Variants in PARD3B observed in about 807,000 individuals in gnomAD.
PARD3B encodes the protein partitioning defective 3 homolog B.
Under a neutral mutation model 130.2 loss-of-function variants are expected in PARD3B, and 103 were observed. That is an observed-to-expected ratio of 0.79 (90% CI 0.67 to 0.93). PARD3B has a LOEUF of 0.93. Ranked by LOEUF, PARD3B falls within the 40% of genes least tolerant of loss-of-function variation. The pLI, the probability that PARD3B is intolerant of heterozygous loss-of-function variation, is 0.00. For synonymous variants in PARD3B, 583 were observed against 553.2 expected, an observed-to-expected ratio of 1.05 and a Z score of -0.76; for missense variants, 1,609 against 1,499.2, an observed-to-expected ratio of 1.07 and a Z score of -1.21.
intron 2 of PARD3B, among the ~76,000 whole-genome samples, chr2:204,842,545 C>T (rs1016292378): frequency 6.6e-6 from 1 of 151,966 alleles, no homozygotes; most frequent in Non-Finnish European, 1.5e-5. Flanking sequence ...GGGAGATTCT[C>T]TCTAATAAAT....
intron 3 of PARD3B, among the ~76,000 whole-genome samples, chr2:204,997,626 C>G (rs1352457947): frequency 6.6e-6 from 1 of 151,860 alleles, no homozygotes; most frequent in Non-Finnish European, 1.5e-5. Flanking sequence ...TTAACTGAGT[C>G]TCTTTTAGGG....
intron 2 of PARD3B, among the ~76,000 whole-genome samples, chr2:204,738,290 G>C (rs556185783): frequency 6.6e-6 from 1 of 151,802 alleles, no homozygotes; most frequent in East Asian, 1.9e-4. Context: ...TTTACCTCCC[G>C]CATTACATAT....
At chr2:204,676,291 C>CAGAG (rs1352947517) in intron 1 of PARD3B, among the ~76,000 whole-genome samples, 2 of 151,682 alleles carry the variant, frequency 1.3e-5, no homozygotes, top group African/African-American at 4.9e-5. Flanking sequence ...TAAATTTGTT[C>CAGAG]ATAAATTAAT....
At chr2:204,694,987 T>G (rs763766385) in intron 2 of PARD3B, among the ~76,000 whole-genome samples, 3 of 152,046 alleles carry the variant, frequency 2.0e-5, no homozygotes, top group African/African-American at 4.8e-5. Flanking sequence ...CAGTGAAGAG[T>G]AAACCATAAG....
intron 2 of PARD3B, among the ~76,000 whole-genome samples, chr2:204,745,726 C>A (rs556792874): frequency 2.0e-5 from 3 of 151,960 alleles, no homozygotes; most frequent in African/African-American, 7.2e-5. Flanking sequence ...TCATTACACC[C>A]AGAAGGTTGA....
At chr2:204,888,112 G>A (rs1036670585) in intron 2 of PARD3B, among the ~76,000 whole-genome samples, 3 of 152,164 alleles carry the variant, frequency 2.0e-5, no homozygotes, top group Non-Finnish European at 2.9e-5. Context: ...CAAGGCACAA[G>A]CACCAGTTTT....
At chr2:205,489,551 T>C (rs6147132) in intron 20 of PARD3B, among the ~76,000 whole-genome samples, 1 of 138,494 alleles carries the variant, frequency 7.2e-6, no homozygotes, top group South Asian at 2.3e-4. Context: ...TATATATGTA[T>C]ATATATACAT....
intron 2 of PARD3B, among the ~76,000 whole-genome samples, chr2:204,749,555 A>G (rs1159846226): frequency 1.3e-5 from 2 of 152,226 alleles, no homozygotes; most frequent in Non-Finnish European, 2.9e-5. Flanking sequence ...AGAGCATAAA[A>G]TAGCCTTTAT....
Position 205,122,742 on chromosome 2 carries a change from A to G in PARD3B, c.1165+793A>G, listed in dbSNP as rs2030897056. ...ATTTATGGTCAAAAGGTAGTTTTAG[A>G]AAAACTATTAAGGTCTTTCAAAAAC... On this transcript the variant is annotated intron_variant, in intron 8 of 22. Coordinates refer to ENST00000406610, the MANE Select transcript of PARD3B (RefSeq NM_001302769.2). The surrounding 1 kb of genome is among the most constrained non-coding windows in gnomAD (Gnocchi z 4.3). Among the ~76,000 whole-genome samples the G allele has an allele frequency of 6.6e-6, 1 of 152,230 alleles. No individual in the cohort carries two copies. The highest frequency in any genetic ancestry group is 1.5e-5 in the Non-Finnish European group (1 of 68,036).
chr2:204,722,086 A>T (rs1266282018), intron 2 of PARD3B, among the ~76,000 whole-genome samples: 2 of 152,218 alleles, frequency 1.3e-5, no homozygotes, highest in African/African-American at 2.4e-5. Flanking sequence ...AGGTGTCTAT[A>T]GATTTCAATT....
At chr2:204,785,802 T>G (rs905594183) in intron 2 of PARD3B, among the ~76,000 whole-genome samples, 3 of 152,220 alleles carry the variant, frequency 2.0e-5, no homozygotes, top group African/African-American at 7.2e-5. Flanking sequence ...AGCCAGGGTC[T>G]TCACTGGGTA....
At position 205,619,265 on chromosome 2, in the gene PARD3B, A is replaced by G. The variant is rs1228272064; in HGVS notation, c.*3452A>G. On this transcript the variant is annotated 3_prime_UTR_variant, in exon 23 of 23. Transcript: ENST00000406610. ...TATGCACAAATATCAAGCCTATAAA[A>G]AAGTAATTATTTCCCCAAACCTGTA... is the stretch of plus-strand genomic sequence containing the variant. The G allele has an allele frequency of 5.9e-5, 9 of 152,342 alleles. No individual in the cohort carries two copies. In the East Asian group the frequency reaches 1.7e-3, roughly 29 times the overall value. 9.4% of individuals were successfully genotyped at this position (152,342 alleles called of 1,614,324 possible). A position where few individuals can be genotyped will look rare whatever the true frequency, so the allele number is the denominator to read the frequency against.
chr2:204,855,016 A>T (rs1256286847), intron 2 of PARD3B, among the ~76,000 whole-genome samples: 1 of 152,146 alleles, frequency 6.6e-6, no homozygotes, highest in African/African-American at 2.4e-5. Context: ...TCTGATTTAC[A>T]TAGGGCTCAC....
At chr2:204,686,030 C>T (rs1332108714) in intron 1 of PARD3B, 151 bp from the exon 2 acceptor site, 1 of 571,884 alleles carries the variant, frequency 1.7e-6, no homozygotes. Context: ...GTATTTTTTT[C>T]CAAATAAATA....
intron 21 of PARD3B, among the ~76,000 whole-genome samples, chr2:205,528,758 G>A (rs1575264632): frequency 6.6e-6 from 1 of 152,168 alleles, no homozygotes; most frequent in African/African-American, 2.4e-5. Flanking sequence ...CCAAAGTGCT[G>A]TGATTACAGG....
intron 1 of PARD3B, among the ~76,000 whole-genome samples, chr2:204,626,335 A>G (rs554652944): frequency 3.0e-4 from 45 of 152,296 alleles, no homozygotes; most frequent in African/African-American, 1.0e-3. Flanking sequence ...TCAGCTATGA[A>G]TTCCTTGCCT....
intron 1 of PARD3B, among the ~76,000 whole-genome samples, chr2:204,634,393 T>C (rs994427103): frequency 1.3e-5 from 2 of 152,224 alleles, no homozygotes; most frequent in African/African-American, 4.8e-5. Flanking sequence ...TTCATCTGTT[T>C]ATGGATACTT....
Position 204,829,699 on chromosome 2 carries a change from T to C in PARD3B, c.223-135453T>C, listed in dbSNP as rs562048254. Among the ~76,000 whole-genome samples the C allele has an allele frequency of 6.6e-5, 10 of 152,190 alleles. 1 individual carries two copies. The South Asian group carries it at 1.5e-3, about 22-fold the overall frequency. The stretch of plus-strand genomic sequence containing the variant: ...AGTGAGTTCTCGCAAGATGTGGTTG[T>C]TTAAAAATGTGTAGCACTGGCCGGG... On this transcript the variant is annotated intron_variant, in intron 2 of 22. Coordinates refer to ENST00000406610, the MANE Select transcript of PARD3B (RefSeq NM_001302769.2).
chr2:205,529,714 A>ACTAT (rs1472613278), intron 21 of PARD3B, among the ~76,000 whole-genome samples: 2 of 152,156 alleles, frequency 1.3e-5, no homozygotes, highest in African/African-American at 4.8e-5. Flanking sequence ...TCCACAAGCC[A>ACTAT]CTATCTGGTT....
Sources: allele counts gnomAD v4.1 joint callset (sites outside exome capture counted in the v4.1 genomes callset), GRCh38; gene constraint gnomAD v4.1.1; non-coding constraint Gnocchi (gnomAD v3.1); transcripts MANE v1.5; gene names NCBI Gene and HGNC (gene_info 2026-07-23, HGNC 2026-07-21).